STK33: variants seen among roughly 807,000 people sequenced by gnomAD.
The protein encoded by STK33 is serine/threonine kinase 33, also known as serine/threonine-protein kinase 33.
A neutral mutation model predicts 58.0 loss-of-function variants in STK33; 52 were observed. The ratio of observed to expected loss-of-function variants is 0.90; its 90% CI spans 0.72 to 1.13. The LOEUF (loss-of-function observed/expected upper bound fraction) is 1.13, where lower values mean the gene tolerates loss of function less well. Among genes scored for constraint, STK33 ranks in the 50% most tolerant of loss-of-function variants. The pLI, the probability that STK33 is intolerant of heterozygous loss-of-function variation, is 0.00. For synonymous variants in STK33, 215 were observed against 200.1 expected (o/e 1.07, Z -0.63); for missense variants, 630 against 604.2 (o/e 1.04, Z -0.45).
the STK33 span, among the ~76,000 whole-genome samples, chr11:8,377,180 C>T: frequency 6.6e-6 from 1 of 152,184 alleles, no homozygotes; most frequent in East Asian, 1.9e-4. Context: ...ATGATGTTCT[C>T]ATTAATCGAG....
At chr11:8,512,491 T>C (rs192864344) in intron 1 of STK33, among the ~76,000 whole-genome samples, 50 of 152,238 alleles carry the variant, frequency 3.3e-4, no homozygotes, top group African/African-American at 1.1e-3. Flanking sequence ...TCACTTAAAA[T>C]TGGCAGAAGC....
intron 1 of STK33, among the ~76,000 whole-genome samples, chr11:8,510,679 T>G (rs1952244077): frequency 6.6e-6 from 1 of 152,214 alleles, no homozygotes; most frequent in Non-Finnish European, 1.5e-5. Context: ...GATTTTTGTA[T>G]AAGGTGAGAG....
the STK33 span, among the ~76,000 whole-genome samples, chr11:8,354,798 A>G: frequency 6.6e-6 from 1 of 152,184 alleles, no homozygotes; most frequent in Non-Finnish European, 1.5e-5. Flanking sequence ...GCCCACATCA[A>G]TTAGGCTCTG....
intron 14 of STK33, among the ~76,000 whole-genome samples, chr11:8,423,915 T>C (rs991095223): frequency 2.2e-4 from 34 of 152,204 alleles, no homozygotes; most frequent in Non-Finnish European, 4.4e-4. Context: ...ATATAATCTT[T>C]TTGAGTTGAA....
At chr11:8,589,852 G>C (rs191956434) in intron 1 of STK33, among the ~76,000 whole-genome samples, 171 of 152,162 alleles carry the variant, frequency 1.1e-3, no homozygotes, top group African/African-American at 3.9e-3. Flanking sequence ...CCAAAATAAA[G>C]AAGATTGAGA....
At chr11:8,355,144 A>G in the STK33 span, among the ~76,000 whole-genome samples, 102 of 152,178 alleles carry the variant, frequency 6.7e-4, no homozygotes, top group Non-Finnish European at 1.2e-3. Flanking sequence ...CAACTTTCCC[A>G]CAGAGACCCT....
chr11:8,338,458 GGTGTTTCA>G, the STK33 span, among the ~76,000 whole-genome samples: 4 of 152,224 alleles, frequency 2.6e-5, no homozygotes, highest in South Asian at 6.2e-4. Flanking sequence ...CCCTTGTGAG[GGTGTTTCA>G]CCCCACCAGA....
intron 12 of STK33, among the ~76,000 whole-genome samples, chr11:8,436,652 C>A (rs959859254): frequency 1.3e-5 from 2 of 152,150 alleles, no homozygotes; most frequent in Admixed American, 6.5e-5. Flanking sequence ...AAATACTGTA[C>A]AAATGTTAGT....
intron 15 of STK33, among the ~76,000 whole-genome samples, chr11:8,398,378 GA>G (rs547622220): frequency 8.5e-5 from 13 of 152,128 alleles, no homozygotes; most frequent in Middle Eastern, 3.2e-3. Flanking sequence ...ATAAGTGAAA[GA>G]GAAATAAAAT....
the STK33 span, among the ~76,000 whole-genome samples, chr11:8,359,290 C>T: frequency 1.3e-5 from 2 of 152,112 alleles, no homozygotes; most frequent in Non-Finnish European, 1.5e-5. Flanking sequence ...GCTGATTTTG[C>T]TGTGTTGAAG....
intron 1 of STK33, among the ~76,000 whole-genome samples, chr11:8,523,268 A>G (rs1167449058): frequency 1.6e-5 from 2 of 127,204 alleles, no homozygotes; most frequent in Non-Finnish European, 3.4e-5. Flanking sequence ...CTGGGATGTG[A>G]GGAGCCCCTC....
At chr11:8,359,391 G>C in the STK33 span, among the ~76,000 whole-genome samples, 1 of 152,210 alleles carries the variant, frequency 6.6e-6, no homozygotes, top group African/African-American at 2.4e-5. Context: ...AGGGAAAAAA[G>C]TTATGCGTAT....
chr11:8,334,974 G>A, the STK33 span, among the ~76,000 whole-genome samples: 1 of 152,204 alleles, frequency 6.6e-6, no homozygotes, highest in Non-Finnish European at 1.5e-5. Context: ...CAGGAGTGCT[G>A]GGCCATCGCA....
the STK33 span, among the ~76,000 whole-genome samples, chr11:8,371,038 G>C: frequency 3.9e-5 from 6 of 152,152 alleles, no homozygotes; most frequent in Non-Finnish European, 7.3e-5. Flanking sequence ...AGGGCTGTTG[G>C]GGGCTGAGGA....
downstream of STK33, among the ~76,000 whole-genome samples, chr11:8,389,683 T>C (rs74873976): frequency 4.6e-3 from 700 of 152,348 alleles, 3 homozygotes; most frequent in African/African-American, 0.015. Flanking sequence ...GCTTTTGATC[T>C]GTCTAACCTG....
intron 1 of STK33, among the ~76,000 whole-genome samples, chr11:8,586,035 A>C (rs553269326): frequency 6.6e-6 from 1 of 151,886 alleles, no homozygotes; most frequent in Non-Finnish European, 1.5e-5. Flanking sequence ...CCTGGGCAAC[A>C]AGAGCAAAAC....
chr11:8,533,094 C>T (rs150497696), intron 1 of STK33, among the ~76,000 whole-genome samples: 141 of 152,288 alleles, frequency 9.3e-4, no homozygotes, highest in African/African-American at 3.3e-3. Context: ...TATAAACCAA[C>T]ATTTTATCAG....
intron 6 of STK33, among the ~76,000 whole-genome samples, chr11:8,469,511 T>G (rs1042020550): frequency 2.0e-5 from 3 of 152,182 alleles, no homozygotes; most frequent in African/African-American, 7.2e-5. Flanking sequence ...AAGTCTTCCA[T>G]GAGGGTGGGA....
chr11:8,448,934 C>A (rs1472322778), intron 11 of STK33, among the ~76,000 whole-genome samples: 1 of 151,402 alleles, frequency 6.6e-6, no homozygotes, highest in Non-Finnish European at 1.5e-5. Flanking sequence ...AACAAATTTA[C>A]AAGAAAAAAC....
Sources: gnomAD v4.1 joint callset for allele counts (sites outside exome capture counted in the v4.1 genomes callset) on GRCh38, gnomAD v4.1.1 for gene constraint, MANE v1.5 for transcripts, NCBI Gene and HGNC (gene_info 2026-07-23, HGNC 2026-07-21) for gene names.